The following BMPR1A variants were observed in gnomAD, a reference collection of about 807,000 sequenced individuals.
The protein encoded by BMPR1A is bone morphogenetic protein receptor type-1A.
BMPR1A carries 7 observed loss-of-function variants against 66.0 expected under a neutral mutation model. The ratio of observed to expected loss-of-function variants is 0.11; its 90% CI spans 0.06 to 0.20. The LOEUF (loss-of-function observed/expected upper bound fraction) is 0.20, where lower values mean the gene tolerates loss of function less well. Ranked by LOEUF, BMPR1A falls within the 10% of genes least tolerant of loss-of-function variation. The probability of loss-of-function intolerance (pLI) is 1.00; values close to 1 mark genes in which losing one functional copy is unlikely to be tolerated. For synonymous variants in BMPR1A, 200 were observed against 229.7 expected (o/e 0.87, Z 1.17); for missense variants, 408 against 669.1 (o/e 0.61, Z 4.31).
intron 5 of BMPR1A, among the ~76,000 whole-genome samples, chr10:86,899,436 C>A (rs1472335892): frequency 6.6e-6 from 1 of 152,236 alleles, no homozygotes; most frequent in Non-Finnish European, 1.5e-5. Flanking sequence ...CCAGCCTTTT[C>A]TTTGGACTAC....
chr10:86,757,244 C>T (rs529146172), intron 1 of BMPR1A, among the ~76,000 whole-genome samples: 2 of 152,288 alleles, frequency 1.3e-5, no homozygotes, highest in African/African-American at 4.8e-5. Flanking sequence ...GCGCTCACCT[C>T]CCCGCCCCGG....
intron 1 of BMPR1A, among the ~76,000 whole-genome samples, chr10:86,816,783 A>G (rs1417605560): frequency 2.0e-5 from 3 of 152,220 alleles, no homozygotes; most frequent in Non-Finnish European, 4.4e-5. Flanking sequence ...AAAGCCTGCT[A>G]GTTCACAAGC....
At chr10:86,894,040 C>T (rs1216986013) in intron 5 of BMPR1A, among the ~76,000 whole-genome samples, 2 of 152,230 alleles carry the variant, frequency 1.3e-5, no homozygotes, top group Non-Finnish European at 2.9e-5. Context: ...CTCAACTGCT[C>T]CTTATATGAT....
At chr10:86,788,324 G>A (rs1050786085) in intron 1 of BMPR1A, among the ~76,000 whole-genome samples, 3 of 152,052 alleles carry the variant, frequency 2.0e-5, no homozygotes, top group African/African-American at 7.2e-5. Context: ...AAACCTATAG[G>A]CTTTCTCTTT....
At chr10:86,790,191 ATATAT>A (rs1564685526) in intron 1 of BMPR1A, among the ~76,000 whole-genome samples, 17 of 9,316 alleles carry the variant, frequency 1.8e-3, no homozygotes, top group African/African-American at 3.4e-3. Context: ...AAAAAAAAAT[ATATAT>A]ATATATATAT....
At chr10:86,932,462 A>G (rs186113412), downstream of BMPR1A, 73 of 152,170 alleles carry the variant, frequency 4.8e-4, no homozygotes, top group Non-Finnish European at 9.1e-4. Context: ...GCTCACTTCA[A>G]CCTCAAACTT....
At chr10:86,914,350 C>G (rs1843532270) in intron 8 of BMPR1A, among the ~76,000 whole-genome samples, 1 of 152,238 alleles carries the variant, frequency 6.6e-6, no homozygotes, top group South Asian at 2.1e-4. Flanking sequence ...CTTGGGCAGA[C>G]TTCTTCAGTA....
chr10:86,778,121 T>C (rs1366872882), intron 1 of BMPR1A, among the ~76,000 whole-genome samples: 1 of 152,146 alleles, frequency 6.6e-6, no homozygotes, highest in African/African-American at 2.4e-5. Flanking sequence ...ATATAATGCA[T>C]GACAGGCTTG....
chr10:86,835,423 C>A (rs1215366778), intron 1 of BMPR1A, among the ~76,000 whole-genome samples: 1 of 150,034 alleles, frequency 6.7e-6, no homozygotes, highest in Non-Finnish European at 1.5e-5. Flanking sequence ...ATTAGCTGGG[C>A]ATGGTTAATC....
rs186802254 is a variant in BMPR1A, at chr10:86,900,804, G to A, written c.530+678G>A. ...ATAATAGACTTGGAATCTTCTGTTA[G>A]GGAGGTGATGCGAAAGTCATATGAT... On this transcript the variant is annotated intron_variant, in intron 7 of 12. Coordinates refer to ENST00000372037, the MANE Select transcript of BMPR1A (RefSeq NM_004329.3). Among the ~76,000 whole-genome samples the A allele has an allele frequency of 1.3e-3, 205 of 152,282 alleles. 1 individual carries two copies. Among genetic ancestry groups the A allele is most frequent in the South Asian group, 4.6e-3 (22 of 4,820 alleles).
chr10:86,818,068 G>A (rs937499440), intron 1 of BMPR1A, among the ~76,000 whole-genome samples: 9 of 152,166 alleles, frequency 5.9e-5, no homozygotes, highest in Non-Finnish European at 1.0e-4. Flanking sequence ...GCCCAGGCTG[G>A]AGTGTAATGG....
intron 2 of BMPR1A, among the ~76,000 whole-genome samples, chr10:86,853,899 G>A (rs1258678821): frequency 1.3e-5 from 2 of 152,176 alleles, no homozygotes; most frequent in African/African-American, 4.8e-5. Context: ...GGGCACCATT[G>A]TCATTGATAA....
chr10:86,914,696 A>G (rs530044735), intron 8 of BMPR1A, among the ~76,000 whole-genome samples: 1 of 152,354 alleles, frequency 6.6e-6, no homozygotes, highest in African/African-American at 2.4e-5. Flanking sequence ...TATAGCTAAG[A>G]CTGATAATAT....
At chr10:86,803,082 T>A (rs1247965235) in intron 1 of BMPR1A, among the ~76,000 whole-genome samples, 1 of 151,696 alleles carries the variant, frequency 6.6e-6, no homozygotes, top group East Asian at 1.9e-4. Context: ...AAGTCAGTTG[T>A]CAAATCAAAG....
chr10:86,789,103 G>A (rs1310505027), intron 1 of BMPR1A, among the ~76,000 whole-genome samples: 1 of 152,156 alleles, frequency 6.6e-6, no homozygotes, highest in Non-Finnish European at 1.5e-5. Context: ...GCAAAAGAAT[G>A]CAATTAGACC....
intron 1 of BMPR1A, among the ~76,000 whole-genome samples, chr10:86,779,060 A>G (rs1290872944): frequency 6.6e-6 from 1 of 150,584 alleles, no homozygotes; most frequent in Non-Finnish European, 1.5e-5. Context: ...CAGTCACCAT[A>G]CTCAGCCCAG....
At chr10:86,874,500 G>A (rs1478945253) in intron 2 of BMPR1A, among the ~76,000 whole-genome samples, 1 of 151,722 alleles carries the variant, frequency 6.6e-6, no homozygotes, top group Non-Finnish European at 1.5e-5. Flanking sequence ...TCGCTTACTG[G>A]GTTCAAGCCA....
intron 3 of BMPR1A, among the ~76,000 whole-genome samples, chr10:86,888,457 G>T (rs192502685): frequency 6.6e-6 from 1 of 152,208 alleles, no homozygotes; most frequent in Admixed American, 6.5e-5. Context: ...GACAGAGTGA[G>T]ACTCTATCTC....
intron 3 of BMPR1A, among the ~76,000 whole-genome samples, chr10:86,881,902 T>C (rs911407462): frequency 3.9e-5 from 6 of 152,236 alleles, no homozygotes; most frequent in Admixed American, 2.6e-4. Flanking sequence ...ATAACATTTA[T>C]AATATAATTG....
Sources: gnomAD v4.1 joint callset for allele counts (sites outside exome capture counted in the v4.1 genomes callset) on GRCh38, gnomAD v4.1.1 for gene constraint, MANE v1.5 for transcripts, NCBI Gene and HGNC (gene_info 2026-07-23, HGNC 2026-07-21) for gene names.